The following GALNTL6 variants were observed in gnomAD, a reference collection of about 807,000 sequenced individuals.
The protein encoded by GALNTL6 is polypeptide N-acetylgalactosaminyltransferase like 6, also known as polypeptide N-acetylgalactosaminyltransferase-like 6.
A neutral mutation model predicts 73.7 loss-of-function variants in GALNTL6; 46 were observed. The observed-to-expected ratio is 0.62, with a 90% CI of 0.49 to 0.80. The LOEUF (loss-of-function observed/expected upper bound fraction) is 0.80, where lower values mean the gene tolerates loss of function less well. Ranked by LOEUF, GALNTL6 falls within the 30% of genes least tolerant of loss-of-function variation. The pLI is 0.00. For synonymous variants in GALNTL6, 259 were observed against 263.7 expected (o/e 0.98, Z 0.17); for missense variants, 604 against 755.0 (o/e 0.80, Z 2.34).
At chr4:172,734,475 G>T (rs1195453995) in intron 5 of GALNTL6, among the ~76,000 whole-genome samples, 3 of 152,070 alleles carry the variant, frequency 2.0e-5, no homozygotes, top group Non-Finnish European at 2.9e-5. Context: ...AAACAAAGGG[G>T]TTACAGGCCC....
intron 2 of GALNTL6, among the ~76,000 whole-genome samples, chr4:172,129,811 C>CTA (rs1433271979): frequency 1.3e-5 from 2 of 152,102 alleles, no homozygotes. Context: ...AGTAAGAGTC[C>CTA]TAGAATCCAA....
At chr4:172,356,831 G>A (rs1324507833) in intron 5 of GALNTL6, among the ~76,000 whole-genome samples, 2 of 152,108 alleles carry the variant, frequency 1.3e-5, no homozygotes, top group Non-Finnish European at 1.5e-5. Flanking sequence ...AATTTAAAAT[G>A]TACAGTTTTC....
In GALNTL6 at chr4:172,487,358, C is replaced by CTTTCTTTCTTT. The variant is rs202020229; in HGVS notation, c.553+138669_553+138670insTTTCTTTCTTT. On this transcript the variant is annotated intron_variant, in intron 5 of 12. Coordinates refer to ENST00000506823, the MANE Select transcript of GALNTL6 (RefSeq NM_001034845.3). ...TCTTTCTTTCTTTCTTTCTTTCTTT[C>CTTTCTTTCTTT]CTTCTTTCCTTCTTTTCTTTTCTTT... 5.1e-5 allele frequency among the ~76,000 whole-genome samples: 5 copies of CTTTCTTTCTTT among 98,606 alleles called. No homozygotes were observed. In the East Asian group the frequency reaches 8.8e-4, roughly 17 times the overall value. The allele number at this position is 98,606 out of a possible 152,430, so 64.7% of individuals were successfully genotyped here. A position where few individuals can be genotyped will look rare whatever the true frequency, so the allele number is the denominator to read the frequency against.
intron 5 of GALNTL6, among the ~76,000 whole-genome samples, chr4:172,550,947 T>C (rs1029002575): frequency 2.6e-5 from 4 of 152,170 alleles, no homozygotes; most frequent in African/African-American, 9.7e-5. Flanking sequence ...TTGACTGAGG[T>C]GACATTGAAA....
intron 2 of GALNTL6, among the ~76,000 whole-genome samples, chr4:171,910,855 C>T (rs6553601): frequency 0.32 from 48,998 of 151,918 alleles, 9,753 homozygotes; most frequent in African/African-American, 0.57. Context: ...ATGTTAATGG[C>T]ATATAAACAT....
chr4:171,916,167 G>T (rs563889013), intron 2 of GALNTL6, among the ~76,000 whole-genome samples: 2 of 151,988 alleles, frequency 1.3e-5, no homozygotes, highest in African/African-American at 4.8e-5. Flanking sequence ...TGTTGAGATA[G>T]ATATGATATT....
At chr4:171,992,166 T>C (rs1367320548) in intron 2 of GALNTL6, among the ~76,000 whole-genome samples, 1 of 152,090 alleles carries the variant, frequency 6.6e-6, no homozygotes, top group Non-Finnish European at 1.5e-5. Flanking sequence ...AGATTGATGC[T>C]ATTTGAATCT....
At chr4:172,347,582 G>A (rs1741793868) in intron 4 of GALNTL6, among the ~76,000 whole-genome samples, 1 of 152,068 alleles carries the variant, frequency 6.6e-6, no homozygotes, top group Non-Finnish European at 1.5e-5. Context: ...CTATTTTCCA[G>A]ATCTGTGAAT....
At chr4:172,926,179 A>T (rs1268214084) in intron 8 of GALNTL6, among the ~76,000 whole-genome samples, 3 of 152,118 alleles carry the variant, frequency 2.0e-5, no homozygotes, top group Non-Finnish European at 4.4e-5. Flanking sequence ...GTATCTTCAC[A>T]TGGTGGAAAG....
chr4:172,324,943 G>A (rs1740891941), intron 4 of GALNTL6, among the ~76,000 whole-genome samples: 1 of 151,330 alleles, frequency 6.6e-6, no homozygotes, highest in African/African-American at 2.4e-5. Context: ...ATAGGTAAAT[G>A]TGTAGATTTA....
intron 5 of GALNTL6, among the ~76,000 whole-genome samples, chr4:172,525,735 C>T (rs1218175998): frequency 1.3e-5 from 2 of 152,054 alleles, no homozygotes; most frequent in Non-Finnish European, 2.9e-5. Flanking sequence ...TGCTGGCACG[C>T]ACCTGTGGTC....
At chr4:172,339,616 C>T (rs1051198104) in intron 4 of GALNTL6, among the ~76,000 whole-genome samples, 8 of 152,140 alleles carry the variant, frequency 5.3e-5, no homozygotes, top group Non-Finnish European at 8.8e-5. Context: ...CAACTCCAGT[C>T]GGGGAAAATG....
chr4:172,782,627 G>T (rs940980575), intron 5 of GALNTL6, among the ~76,000 whole-genome samples: 1 of 151,930 alleles, frequency 6.6e-6, no homozygotes, highest in Non-Finnish European at 1.5e-5. Context: ...TTTCCTTTTA[G>T]CATCCTAAAA....
At chr4:172,799,934 C>T (rs1045908279) in intron 5 of GALNTL6, among the ~76,000 whole-genome samples, 1 of 152,096 alleles carries the variant, frequency 6.6e-6, no homozygotes, top group African/African-American at 2.4e-5. Flanking sequence ...ATTCATTCAG[C>T]CTTAAAAGAA....
intron 5 of GALNTL6, among the ~76,000 whole-genome samples, chr4:172,399,893 CAA>C (rs1430602221): frequency 1.3e-5 from 2 of 152,094 alleles, no homozygotes; most frequent in Non-Finnish European, 2.9e-5. Context: ...TAACTTCAAA[CAA>C]GAAGGTTTTC....
chr4:173,014,283 A>G (rs576642244), intron 11 of GALNTL6, among the ~76,000 whole-genome samples: 8 of 152,212 alleles, frequency 5.3e-5, no homozygotes, highest in Non-Finnish European at 1.0e-4. Flanking sequence ...AGAAAGAAAA[A>G]CAAAAATAGA....
intron 3 of GALNTL6, among the ~76,000 whole-genome samples, chr4:172,304,825 T>G (rs1193873767): frequency 1.3e-5 from 2 of 152,130 alleles, no homozygotes; most frequent in Non-Finnish European, 2.9e-5. Context: ...TTATGTAAAG[T>G]CTCCCTAGCC....
At chr4:172,858,935 A>C (rs2111129918) in intron 7 of GALNTL6, among the ~76,000 whole-genome samples, 1 of 152,256 alleles carries the variant, frequency 6.6e-6, no homozygotes, top group East Asian at 1.9e-4. Context: ...ACCCATCTCC[A>C]TGAAATCAAA....
intron 2 of GALNTL6, among the ~76,000 whole-genome samples, chr4:171,913,876 A>C (rs1560838542): frequency 6.6e-6 from 1 of 152,320 alleles, no homozygotes; most frequent in East Asian, 1.9e-4. Flanking sequence ...CCTCATCAAC[A>C]CTTCCTTTTC....
Sources: allele counts gnomAD v4.1 joint callset (sites outside exome capture counted in the v4.1 genomes callset), GRCh38; gene constraint gnomAD v4.1.1; transcripts MANE v1.5; gene names NCBI Gene and HGNC (gene_info 2026-07-23, HGNC 2026-07-21).